Variants in CES5A observed in about 807,000 individuals in gnomAD.
CES5A encodes the protein carboxylesterase 5A.
CES5A carries 67 observed loss-of-function variants against 62.9 expected under a neutral mutation model. The observed-to-expected ratio is 1.07, with a 90% CI of 0.88 to 1.31. CES5A has a LOEUF of 1.31. Ranked by LOEUF, CES5A falls within the 50% of genes most tolerant of loss-of-function variation. CES5A has a pLI of 0.00. For synonymous variants in CES5A, 296 were observed against 280.8 expected (o/e 1.05, Z -0.54); for missense variants, 748 against 708.5 (o/e 1.06, Z -0.63).
At chr16:55,891,756 C>T (rs1294848425) in intron 1 of CES5A, among the ~76,000 whole-genome samples, 1 of 152,084 alleles carries the variant, frequency 6.6e-6, no homozygotes, top group African/African-American at 2.4e-5. Context: ...TTTTGGGGGT[C>T]CATGATATTT....
At chr16:55,914,567 T>C (rs186118366) in intron 1 of CES5A, among the ~76,000 whole-genome samples, 52 of 152,318 alleles carry the variant, frequency 3.4e-4, no homozygotes, top group Admixed American at 1.6e-3. Flanking sequence ...CGTGTCTGGC[T>C]GGGGATGCTT....
rs192487422 is a variant in CES5A, at chr16:55,940,436, T to C, written c.160+9349A>G. ...TATAAATTCAAAAACTTAGATAAAA[T>C]TGAACAATTCTTGGAAAACCACAAA... On this transcript the variant is annotated intron_variant, in intron 2 of 13. Coordinates refer to the CES5A transcript ENST00000521992. Among the ~76,000 whole-genome samples, 799 of 151,984 alleles carry C rather than the reference T, an allele frequency of 5.3e-3. 2 individuals are homozygous for C. The highest frequency in any genetic ancestry group is 7.8e-3 in the Non-Finnish European group (528 of 67,866).
At position 55,871,708 on chromosome 16, in the gene CES5A, A is replaced by G. The variant is rs1200064097; in HGVS notation, c.334T>C (p.Tyr112His). The G allele has an allele frequency of 6.2e-7, 1 of 1,614,028 alleles. No individual in the cohort carries two copies. The highest frequency in any genetic ancestry group is 1.7e-5 in the Admixed American group (1 of 60,008). ...LLDQHMLKVHYPKFGVSEDCL... is the reference protein window; with the variant it reads ...LLDQHMLKVHHPKFGVSEDCL... ...TCTTCTGACACTCCGAATTTCGGGT[A>G]ATGCACCTTGAGCATATGTTGATCT... is the stretch of plus-strand genomic sequence containing the variant. Residue 112 changes from tyrosine to histidine, a missense_variant, in exon 3 of 13, where the codon TAC (tyrosine) becomes CAC (histidine). By Grantham distance (83) the Tyr-to-His change is moderately conservative (BLOSUM62 2). Transcript: ENST00000290567.
chr16:55,907,314 A>G (rs1307318143), intron 1 of CES5A, among the ~76,000 whole-genome samples: 1 of 152,142 alleles, frequency 6.6e-6, no homozygotes, highest in Non-Finnish European at 1.5e-5. Context: ...CAGAAGGGAC[A>G]AAGGATCCAG....
intron 2 of CES5A, among the ~76,000 whole-genome samples, chr16:55,945,994 T>A (rs958178098): frequency 6.6e-6 from 1 of 152,128 alleles, no homozygotes; most frequent in Non-Finnish European, 1.5e-5. Flanking sequence ...TTCCTTCCTG[T>A]AAGGCACTTA....
intron 1 of CES5A, among the ~76,000 whole-genome samples, chr16:55,920,958 G>A (rs879604396): frequency 6.6e-6 from 1 of 152,146 alleles, no homozygotes; most frequent in African/African-American, 2.4e-5. Flanking sequence ...TTGGAACTGA[G>A]AAATATTTTT....
rs772352881 is a variant in CES5A at position 55,853,044 on chromosome 16, A to C, written c.1126-16T>G. The C allele has an allele frequency of 6.2e-7, 1 of 1,613,486 alleles. No homozygotes were observed. On this transcript the variant is annotated splice_polypyrimidine_tract_variant and intron_variant, in intron 9 of 12. Coordinates refer to ENST00000290567, the MANE Select transcript of CES5A (RefSeq NM_001143685.2). ...GCGGGATGTGCTGTAAAAATATCGT[A>C]GTCCTAGGAGATCCAGGTCAACCAC...
chr16:55,951,168 G>T (rs1363802893), intron 1 of CES5A, among the ~76,000 whole-genome samples: 1 of 143,704 alleles, frequency 7.0e-6, no homozygotes, highest in African/African-American at 2.6e-5. Context: ...CATTTACAAG[G>T]AAGAAGAGAA....
In CES5A at chr16:55,852,885, G is replaced by A; in HGVS notation, c.1269C>T (p.His423=). ...GCGGGATGCTCAGATACTCACCTCT[G>A]TGATATCGAGCTGTGATCAGTGCAG... ...VVPALITARY[H]RDAGAPVYFY... is the part of the protein sequence containing the mutation. The change falls in exon 10 of 13, where the codon CAC becomes CAT. Residue 423 remains histidine, a synonymous_variant. Transcript: ENST00000290567. The A allele has an allele frequency of 6.2e-7, 1 of 1,612,888 alleles. No individual in the cohort carries two copies. The highest frequency in any genetic ancestry group is 8.5e-7 in the Non-Finnish European group (1 of 1,179,516).
At chr16:55,934,587 T>C (rs2034348563) in intron 2 of CES5A, among the ~76,000 whole-genome samples, 2 of 152,236 alleles carry the variant, frequency 1.3e-5, no homozygotes, top group Admixed American at 1.3e-4. Context: ...CCTCAAAAGT[T>C]ATATTCTTCA....
At chr16:55,869,103 T>C (rs1567332202) in intron 4 of CES5A, among the ~76,000 whole-genome samples, 1 of 152,152 alleles carries the variant, frequency 6.6e-6, no homozygotes, top group African/African-American at 2.4e-5. Flanking sequence ...ACACAAACAG[T>C]GTCCTGTTCT....
At chr16:55,863,121 C>T (rs372767268) in intron 6 of CES5A, among the ~76,000 whole-genome samples, 1 of 152,164 alleles carries the variant, frequency 6.6e-6, no homozygotes, top group African/African-American at 2.4e-5. Flanking sequence ...AGAACCATAA[C>T]GCACATACAC....
intron 10 of CES5A, 119 bp from the exon 11 acceptor site, chr16:55,849,892 G>T: frequency 9.6e-7 from 1 of 1,037,456 alleles, no homozygotes; most frequent in Non-Finnish European, 1.4e-6. Flanking sequence ...CTCAGAGACA[G>T]CTCACTTCCC....
intron 1 of CES5A, among the ~76,000 whole-genome samples, chr16:55,882,799 C>A (rs959398655): frequency 1.3e-5 from 2 of 152,198 alleles, no homozygotes; most frequent in Non-Finnish European, 2.9e-5. Context: ...ATGTCCCTTC[C>A]TTGAGTTTCC....
chr16:55,885,540 G>A (rs1283640211), intron 1 of CES5A, among the ~76,000 whole-genome samples: 7 of 152,212 alleles, frequency 4.6e-5, no homozygotes, highest in South Asian at 2.1e-4. Context: ...TTGGGTAAAA[G>A]CATCCTAGGC....
chr16:55,855,706 T>C lies in CES5A; in HGVS notation c.1125+671A>G, dbSNP rs150742460. Among the ~76,000 whole-genome samples, 316 of 152,296 alleles carry C rather than the reference T, an allele frequency of 2.1e-3. 3 individuals are homozygous for C. Among genetic ancestry groups the C allele is most frequent in the African/African-American group, 7.4e-3 (307 of 41,568 alleles). ...AATGTGTGGGAACAAAAATGACTGA[T>C]AGCCACAAATCAGTCAAGGTCTGGT... On this transcript the variant is annotated intron_variant, in intron 9 of 12. Transcript: ENST00000290567.
chr16:55,919,592 G>T (rs2034181312), intron 1 of CES5A, among the ~76,000 whole-genome samples: 1 of 151,982 alleles, frequency 6.6e-6, no homozygotes, highest in Admixed American at 6.6e-5. Flanking sequence ...TTGTTCAAAG[G>T]TACACGTCAA....
At chr16:55,944,042 A>G in intron 2 of CES5A, 1 of 702,004 alleles carries the variant, frequency 1.4e-6, no homozygotes, top group Non-Finnish European at 2.6e-6. Flanking sequence ...GGTGAAGGGG[A>G]CTCACCTCCA....
At chr16:55,874,280 A>G (rs1352433340) in intron 1 of CES5A, among the ~76,000 whole-genome samples, 5 of 152,046 alleles carry the variant, frequency 3.3e-5, no homozygotes, top group African/African-American at 1.2e-4. Context: ...TAGCAACAAA[A>G]TTTTCCCCCA....
Sources: gnomAD v4.1 joint callset for allele counts (sites outside exome capture counted in the v4.1 genomes callset) on GRCh38, gnomAD v4.1.1 for gene constraint, MANE v1.5 for transcripts, NCBI Gene and HGNC (gene_info 2026-07-23, HGNC 2026-07-21) for gene names.